The following CHLSN variants were observed in gnomAD, a reference collection of about 807,000 sequenced individuals.
The protein encoded by CHLSN is protein cholesin.
the CHLSN span, among the ~76,000 whole-genome samples, chr7:1,004,462 GCCACAGCACTGCTGGC>G: frequency 6.6e-6 from 1 of 152,042 alleles, no homozygotes; most frequent in Non-Finnish European, 1.5e-5. Flanking sequence ...GGGGCCCGAG[GCCACAGCACTGCTGGC>G]CCACGGCACT....
At chr7:1,036,430 C>G in the CHLSN span, among the ~76,000 whole-genome samples, 9 of 148,032 alleles carry the variant, frequency 6.1e-5, no homozygotes, top group Non-Finnish European at 1.0e-4. Context: ...CGTGGTGTGG[C>G]CGTGTAGGGT....
chr7:1,028,246 C>A, the CHLSN span: 1 of 1,096,380 alleles, frequency 9.1e-7, no homozygotes, highest in Non-Finnish European at 1.1e-6. Context: ...GGCCCTGGCC[C>A]CGCGCACTGA....
chr7:1,121,683 G>A, the CHLSN span, among the ~76,000 whole-genome samples: 10 of 152,364 alleles, frequency 6.6e-5, no homozygotes, highest in South Asian at 1.0e-3. Flanking sequence ...AGGCGGTCAC[G>A]CCAGACGGGT....
the CHLSN span, chr7:1,028,180 C>T: frequency 1.0e-6 from 1 of 954,020 alleles, no homozygotes; most frequent in Non-Finnish European, 1.3e-6. Flanking sequence ...CACCTGTCGC[C>T]GCGGGGCGGG....
the CHLSN span, among the ~76,000 whole-genome samples, chr7:1,120,759 T>G: frequency 3.3e-5 from 5 of 152,224 alleles, no homozygotes; most frequent in African/African-American, 9.6e-5. Flanking sequence ...GGTGAGAGAA[T>G]CTGTGATCAT....
the CHLSN span, among the ~76,000 whole-genome samples, chr7:1,096,060 A>G: frequency 2.0e-5 from 3 of 152,140 alleles, no homozygotes; most frequent in Admixed American, 1.3e-4. The surrounding 1 kb of genome is among the most constrained non-coding windows in gnomAD (Gnocchi z 4.6). Flanking sequence ...ACGTCAACCC[A>G]CCACAGGGAA....
At chr7:1,042,441 C>T in the CHLSN span, among the ~76,000 whole-genome samples, 1 of 152,202 alleles carries the variant, frequency 6.6e-6, no homozygotes, top group Non-Finnish European at 1.5e-5. Flanking sequence ...GAGTCTTGTA[C>T]AGGGGCTGGC....
the CHLSN span, among the ~76,000 whole-genome samples, chr7:1,036,313 TGCAGGG>T: frequency 6.6e-6 from 1 of 151,740 alleles, no homozygotes; most frequent in Admixed American, 6.6e-5. Context: ...GCTGTGGCCG[TGCAGGG>T]TTCGGGTGCT....
the CHLSN span, among the ~76,000 whole-genome samples, chr7:1,090,786 A>G: frequency 6.6e-6 from 1 of 152,284 alleles, no homozygotes; most frequent in Admixed American, 6.5e-5. Context: ...GTTTTACAAT[A>G]ATTTGTTAAA....
At chr7:1,109,987 G>C in the CHLSN span, among the ~76,000 whole-genome samples, 27 of 152,338 alleles carry the variant, frequency 1.8e-4, no homozygotes, top group African/African-American at 5.5e-4. Flanking sequence ...CAGGGCTACA[G>C]TAATGAGCCG....
chr7:1,021,542 G>A, the CHLSN span: 12 of 985,410 alleles, frequency 1.2e-5, no homozygotes, highest in Non-Finnish European at 1.3e-5. Flanking sequence ...TCCATCCACC[G>A]CACAGGAGTA....
chr7:1,077,611 C>G, the CHLSN span, among the ~76,000 whole-genome samples: 2 of 152,280 alleles, frequency 1.3e-5, no homozygotes, highest in Admixed American at 1.3e-4. Context: ...GCACACACCA[C>G]CTTTTCCCTC....
At chr7:1,092,765 C>T in the CHLSN span, 9 of 1,613,650 alleles carry the variant, frequency 5.6e-6, no homozygotes, top group East Asian at 2.2e-5. Flanking sequence ...ACAAATTTGC[C>T]GGCCCTGAAC....
the CHLSN span, chr7:1,000,469 C>T: frequency 6.2e-7 from 1 of 1,600,922 alleles, no homozygotes. Flanking sequence ...CGTGCACACA[C>T]CTTGTCACTG....
the CHLSN span, among the ~76,000 whole-genome samples, chr7:1,006,626 ACGACGGCCACAGCGCGGGGAAAGAGCG>A: frequency 1.4e-5 from 2 of 147,458 alleles, no homozygotes; most frequent in East Asian, 2.0e-4. Context: ...GAAAGAGCGC[ACGACGGCCACAGCGCGGGGAAAGAGCG>A]CACGACGGCC....
At chr7:1,132,290 G>A in the CHLSN span, among the ~76,000 whole-genome samples, 2 of 152,212 alleles carry the variant, frequency 1.3e-5, no homozygotes, top group African/African-American at 4.8e-5. Flanking sequence ...GCTAATGCCT[G>A]TAATCCCAGC....
chr7:1,036,757 C>T, the CHLSN span, among the ~76,000 whole-genome samples: 1 of 122,488 alleles, frequency 8.2e-6, no homozygotes, highest in African/African-American at 2.6e-5. Flanking sequence ...GGAGACCAAA[C>T]AAGAGAGACA....
At chr7:1,021,276 A>T in the CHLSN span, 2 of 604,532 alleles carry the variant, frequency 3.3e-6, no homozygotes, top group Non-Finnish European at 2.1e-6. Flanking sequence ...AGGGACCTCT[A>T]GTGTGGACCT....
chr7:1,065,297 G>A, the CHLSN span, among the ~76,000 whole-genome samples: 4 of 152,216 alleles, frequency 2.6e-5, no homozygotes, highest in African/African-American at 4.8e-5. Context: ...ATCTGTCCCC[G>A]CTGTCCCAAT....
Sources: gnomAD v4.1 joint callset for allele counts (sites outside exome capture counted in the v4.1 genomes callset) on GRCh38, gnomAD v4.1.1 for gene constraint, Gnocchi (gnomAD v3.1) non-coding constraint, MANE v1.5 for transcripts, NCBI Gene and HGNC (gene_info 2026-07-23, HGNC 2026-07-21) for gene names.